Variants in CDH13 observed in about 807,000 individuals in gnomAD.
CDH13 encodes the protein cadherin 13, also known as cadherin-13.
CDH13 carries 24 observed loss-of-function variants against 63.8 expected under a neutral mutation model. That is an observed-to-expected ratio of 0.38 (90% CI 0.27 to 0.53). The LOEUF (loss-of-function observed/expected upper bound fraction) is 0.53. Ranked by LOEUF, CDH13 falls within the 20% of genes least tolerant of loss-of-function variation. CDH13 has a pLI of 0.85. For synonymous variants in CDH13, 503 were observed against 355.3 expected (o/e 1.42, Z -4.67); for missense variants, 1,049 against 903.1 (o/e 1.16, Z -2.07).
At chr16:83,253,042 C>G (rs1054598494) in intron 5 of CDH13, among the ~76,000 whole-genome samples, 1 of 151,972 alleles carries the variant, frequency 6.6e-6, no homozygotes, top group Non-Finnish European at 1.5e-5. Context: ...ACCCTTAGCA[C>G]AGCACCTGGC....
intron 8 of CDH13, among the ~76,000 whole-genome samples, chr16:83,636,092 C>G: frequency 9.7e-6 from 1 of 103,598 alleles, no homozygotes; most frequent in East Asian, 2.4e-4. Context: ...CTATTGTCCC[C>G]TTGATTAAAA....
intron 1 of CDH13, among the ~76,000 whole-genome samples, chr16:82,733,829 T>G (rs1433273282): frequency 6.6e-6 from 1 of 152,240 alleles, no homozygotes; most frequent in African/African-American, 2.4e-5. Flanking sequence ...AATACCCAGT[T>G]GCCTGAATAT....
chr16:83,574,434 A>C (rs1904921661), intron 7 of CDH13, among the ~76,000 whole-genome samples: 1 of 152,134 alleles, frequency 6.6e-6, no homozygotes, highest in South Asian at 2.1e-4. Context: ...TGCCTCAAAA[A>C]CACTGGTGAG....
intron 4 of CDH13, among the ~76,000 whole-genome samples, chr16:83,129,494 C>T (rs1240318840): frequency 6.6e-6 from 1 of 152,106 alleles, no homozygotes; most frequent in African/African-American, 2.4e-5. Flanking sequence ...GTTTATGAAG[C>T]CAGCTACCCC....
chr16:83,551,278 C>T (rs1377840339), intron 7 of CDH13, among the ~76,000 whole-genome samples: 1 of 152,130 alleles, frequency 6.6e-6, no homozygotes, highest in Non-Finnish European at 1.5e-5. Context: ...GACAAGGTTT[C>T]ACCATGTTGA....
intron 6 of CDH13, among the ~76,000 whole-genome samples, chr16:83,380,665 G>C (rs997959080): frequency 1.3e-5 from 2 of 152,108 alleles, no homozygotes; most frequent in Non-Finnish European, 2.9e-5. Context: ...ATGGCTCAAG[G>C]TGGCTGATTG....
At chr16:82,836,696 G>A (rs1406055355) in intron 1 of CDH13, among the ~76,000 whole-genome samples, 3 of 152,150 alleles carry the variant, frequency 2.0e-5, no homozygotes, top group Admixed American at 6.5e-5. Context: ...TGAGCCTGCT[G>A]ATGCCGACTT....
chr16:82,793,161 G>A (rs531751037), intron 1 of CDH13, among the ~76,000 whole-genome samples: 1 of 152,318 alleles, frequency 6.6e-6, no homozygotes, highest in Admixed American at 6.5e-5. Flanking sequence ...TCTGGAAGCG[G>A]CATCAGTGCA....
chr16:83,601,300 C>A (rs1907768338), intron 7 of CDH13, among the ~76,000 whole-genome samples: 1 of 152,090 alleles, frequency 6.6e-6, no homozygotes, highest in Admixed American at 6.5e-5. Flanking sequence ...AATATAGGGG[C>A]TGTTATTTAC....
At chr16:83,191,483 ATATATG>A (rs1475531090) in intron 4 of CDH13, among the ~76,000 whole-genome samples, 45 of 109,894 alleles carry the variant, frequency 4.1e-4, no homozygotes, top group Non-Finnish European at 7.1e-4. Flanking sequence ...ATATATATAT[ATATATG>A]CACATATATA....
At chr16:83,084,760 C>T (rs1257955788) in intron 3 of CDH13, among the ~76,000 whole-genome samples, 3 of 152,062 alleles carry the variant, frequency 2.0e-5, no homozygotes, top group Admixed American at 1.3e-4. Flanking sequence ...GTGGTGGCAG[C>T]ACCTGTAATC....
At chr16:82,984,416 G>A (rs1404572537) in intron 2 of CDH13, among the ~76,000 whole-genome samples, 2 of 152,186 alleles carry the variant, frequency 1.3e-5, no homozygotes, top group African/African-American at 4.8e-5. Context: ...TTCTGACTCT[G>A]CTACTTATCA....
intron 2 of CDH13, among the ~76,000 whole-genome samples, chr16:82,897,396 G>A (rs2041306408): frequency 6.6e-6 from 1 of 152,152 alleles, no homozygotes; most frequent in Admixed American, 6.5e-5. Context: ...ATAAATGAAT[G>A]AATGAAAGAA....
chr16:83,229,275 C>T (rs2039935624), intron 5 of CDH13, among the ~76,000 whole-genome samples: 1 of 152,176 alleles, frequency 6.6e-6, no homozygotes, highest in South Asian at 2.1e-4. Flanking sequence ...GGCCCCACTA[C>T]CAGGCACTGG....
At chr16:83,646,832 G>T (rs1453005090) in intron 8 of CDH13, among the ~76,000 whole-genome samples, 1 of 151,662 alleles carries the variant, frequency 6.6e-6, no homozygotes, top group Non-Finnish European at 1.5e-5. Flanking sequence ...ATGAGACCTG[G>T]TCTGATGGCT....
intron 2 of CDH13, among the ~76,000 whole-genome samples, chr16:82,914,223 T>C (rs753681382): frequency 1.1e-4 from 16 of 152,174 alleles, no homozygotes; most frequent in Non-Finnish European, 1.9e-4. Flanking sequence ...GCAGCCATCA[T>C]GGCCCCTCCC....
At chr16:82,636,783 AG>A (rs2150877600) in intron 1 of CDH13, among the ~76,000 whole-genome samples, 1 of 152,350 alleles carries the variant, frequency 6.6e-6, no homozygotes, top group East Asian at 1.9e-4. Flanking sequence ...GACACAACCA[AG>A]TAATTTGTAG....
At chr16:82,951,579 C>CCAAGCAGGCA (rs1567688136) in intron 2 of CDH13, among the ~76,000 whole-genome samples, 6 of 152,164 alleles carry the variant, frequency 3.9e-5, no homozygotes, top group Non-Finnish European at 1.5e-5. Context: ...GCAATGAGTC[C>CCAAGCAGGCA]TATTTTGTTG....
chr16:82,629,672 T>C (rs1397790989), intron 1 of CDH13, among the ~76,000 whole-genome samples: 2 of 152,218 alleles, frequency 1.3e-5, no homozygotes, highest in East Asian at 3.9e-4. Context: ...TCAATCTCTG[T>C]AAGCTTATTG....
Sources: allele counts gnomAD v4.1 joint callset (sites outside exome capture counted in the v4.1 genomes callset), GRCh38; gene constraint gnomAD v4.1.1; transcripts MANE v1.5; gene names NCBI Gene and HGNC (gene_info 2026-07-23, HGNC 2026-07-21).